The following WDR64 variants were observed in gnomAD, a reference collection of about 807,000 sequenced individuals.
WDR64 encodes the protein WD repeat-containing protein 64.
WDR64 carries 112 observed loss-of-function variants against 139.3 expected under a neutral mutation model. The observed-to-expected ratio is 0.80, with a 90% CI of 0.69 to 0.94. The LOEUF is 0.94. WDR64 is among the 40% of genes least tolerant of loss of function. WDR64 has a pLI of 0.00. For synonymous variants in WDR64, 444 were observed against 437.7 expected (o/e 1.01, Z -0.18); for missense variants, 1,206 against 1,293.1 (o/e 0.93, Z 1.03).
chr1:241,714,403 G>A (rs746773075), intron 9 of WDR64, among the ~76,000 whole-genome samples: 8 of 152,152 alleles, frequency 5.3e-5, no homozygotes, highest in Non-Finnish European at 8.8e-5. Context: ...TGTTTAATGA[G>A]TAAGTGCTAT....
chr1:241,687,304 T>TA (rs11433746), intron 7 of WDR64, among the ~76,000 whole-genome samples, 157 bp from the exon 8 acceptor site: 40,867 of 126,228 alleles, frequency 0.32, 6,242 homozygotes, highest in Non-Finnish European at 0.36. Flanking sequence ...AGACTCCATC[T>TA]AAAAAAAAAA....
intron 8 of WDR64, among the ~76,000 whole-genome samples, chr1:241,705,410 C>G (rs1031309672): frequency 6.6e-6 from 1 of 151,392 alleles, no homozygotes; most frequent in Non-Finnish European, 1.5e-5. Context: ...GGCATGGTGG[C>G]GGGCGCCTGT....
At chr1:241,747,771 ACACAGGAAGGAAAGACTT>A (rs1669818426) in intron 13 of WDR64, among the ~76,000 whole-genome samples, 1 of 152,132 alleles carries the variant, frequency 6.6e-6, no homozygotes, top group East Asian at 1.9e-4. Flanking sequence ...CGAAGGAAAG[ACACAGGAAGGAAAGACTT>A]CCTGGGAAAG....
chr1:241,799,191 C>CAG (rs1659449950), intron 27 of WDR64, among the ~76,000 whole-genome samples: 1 of 67,908 alleles, frequency 1.5e-5, no homozygotes, highest in Non-Finnish European at 2.5e-5. Flanking sequence ...CACAGTGAGA[C>CAG]TTTGTCTCTC....
chr1:241,655,325 G>A (rs1046710218), intron 1 of WDR64, among the ~76,000 whole-genome samples: 1 of 152,088 alleles, frequency 6.6e-6, no homozygotes, highest in African/African-American at 2.4e-5. Flanking sequence ...GGAGGCAGAG[G>A]TTGCAGTGAG....
chr1:241,768,232 C>T (rs544060652), intron 16 of WDR64, among the ~76,000 whole-genome samples: 42 of 152,284 alleles, frequency 2.8e-4, no homozygotes, highest in Non-Finnish European at 4.6e-4. Flanking sequence ...TACACAGTGT[C>T]CCTTTCCTAT....
Position 241,687,584 on chromosome 1 carries a change from C to T in WDR64, c.963C>T (p.Leu321=), listed in dbSNP as rs1293424145. ...HSLVLESLKR[L]EDNLPVREFS... Reference sequence around the variant, plus strand: ...TAGTTTTGGAATCCTTGAAGAGACTCGAGGATAATTTGTAAGTATAGTAAT... The same window carrying T: ...TAGTTTTGGAATCCTTGAAGAGACTTGAGGATAATTTGTAAGTATAGTAAT... The change falls in exon 8 of 28, where the codon CTC becomes CTT. Residue 321 remains leucine (L), a synonymous_variant. Coordinates refer to ENST00000437684, the MANE Select transcript of WDR64 (RefSeq NM_001367482.1). The T allele has an allele frequency of 1.2e-5, 20 of 1,612,534 alleles. No homozygotes were observed. Among genetic ancestry groups the T allele is most frequent in the East Asian group, 6.7e-5 (3 of 44,808 alleles).
intron 8 of WDR64, among the ~76,000 whole-genome samples, chr1:241,702,534 A>C (rs1241886123): frequency 6.7e-6 from 1 of 150,250 alleles, no homozygotes; most frequent in Non-Finnish European, 1.5e-5. Flanking sequence ...AAAAAAAAAA[A>C]GAAAGAACTT....
At chr1:241,680,937 A>G (rs1167220167) in intron 6 of WDR64, among the ~76,000 whole-genome samples, 1 of 152,084 alleles carries the variant, frequency 6.6e-6, no homozygotes, top group Non-Finnish European at 1.5e-5. Flanking sequence ...CTACTATCAG[A>G]CTTGTCCTCT....
At chr1:241,716,498 T>C (rs1668409070) in intron 9 of WDR64, among the ~76,000 whole-genome samples, 1 of 152,246 alleles carries the variant, frequency 6.6e-6, no homozygotes, top group South Asian at 2.1e-4. Flanking sequence ...ATTTTTTTCA[T>C]GTTTTGTTCA....
At chr1:241,771,764 C>CA in intron 19 of WDR64, 67 bp downstream of exon 19, 1 of 1,064,994 alleles carries the variant, frequency 9.4e-7, no homozygotes, top group Non-Finnish European at 1.3e-6. Flanking sequence ...ATTTAGGTGA[C>CA]AGAGTATTCT....
intron 14 of WDR64, among the ~76,000 whole-genome samples, chr1:241,750,941 T>A (rs1296816902): frequency 1.3e-5 from 2 of 152,198 alleles, no homozygotes; most frequent in Non-Finnish European, 2.9e-5. Context: ...AGCGGGCAGC[T>A]TTATAATATA....
chr1:241,718,159 T>C (rs1668471890), intron 9 of WDR64, among the ~76,000 whole-genome samples: 1 of 152,180 alleles, frequency 6.6e-6, no homozygotes, highest in African/African-American at 2.4e-5. Context: ...TTAGCAAACA[T>C]GTATTAAGCA....
chr1:241,791,456 CA>C lies in WDR64; in HGVS notation c.2997+761del, dbSNP rs1659212695. Among the ~76,000 whole-genome samples, 10 of 152,224 alleles carry C rather than the reference CA, an allele frequency of 6.6e-5. No individual in the cohort carries two copies. The South Asian group carries it at 1.7e-3, about 25-fold the overall frequency. On this transcript the variant is annotated intron_variant, in intron 25 of 27. Transcript: ENST00000437684. Reference sequence around the variant, plus strand: ...TCAAGGTGGAAAGATCCCTAGAGTCCAGGAGTTCAAGACCAGTCTAGGCAAC... The same window carrying C: ...TCAAGGTGGAAAGATCCCTAGAGTCCGGAGTTCAAGACCAGTCTAGGCAAC...
chr1:241,712,438 A>C (rs748891999), intron 9 of WDR64, among the ~76,000 whole-genome samples: 1 of 152,194 alleles, frequency 6.6e-6, no homozygotes, highest in Non-Finnish European at 1.5e-5. Context: ...AAGGTAACAC[A>C]ATAAGTTTTG....
intron 2 of WDR64, 136 bp from the exon 3 acceptor site, chr1:241,670,938 A>G: frequency 1.7e-6 from 1 of 588,106 alleles, no homozygotes; most frequent in Non-Finnish European, 2.9e-6. Context: ...TGGTATAGGG[A>G]ACCCCCTGAC....
At chr1:241,731,603 T>C (rs529674621) in intron 10 of WDR64, among the ~76,000 whole-genome samples, 1 of 152,182 alleles carries the variant, frequency 6.6e-6, no homozygotes, top group Non-Finnish European at 1.5e-5. Context: ...CCAACAATTA[T>C]TACCTAAGGA....
chr1:241,661,656 T>G (rs1665837683), intron 2 of WDR64, among the ~76,000 whole-genome samples: 1 of 152,072 alleles, frequency 6.6e-6, no homozygotes, highest in East Asian at 1.9e-4. Flanking sequence ...CTAAATAAAA[T>G]GTTAACAAGT....
rs550625679 is a variant in WDR64 at position 241,693,270 on chromosome 1, G to T, written c.974+5675G>T. Among the ~76,000 whole-genome samples the T allele has an allele frequency of 4.6e-5, 7 of 152,190 alleles. No individual in the cohort carries two copies. The South Asian group carries it at 1.2e-3, about 27-fold the overall frequency. On this transcript the variant is annotated intron_variant, in intron 8 of 27. Coordinates refer to ENST00000437684, the MANE Select transcript of WDR64 (RefSeq NM_001367482.1). Reference sequence around the variant, plus strand: ...TATCAAGCCATAAAAAGACATGGAGGACCCTTAAATGCATATTACTAAGTT... The same window carrying T: ...TATCAAGCCATAAAAAGACATGGAGTACCCTTAAATGCATATTACTAAGTT...
Sources: gnomAD v4.1 joint callset for allele counts (sites outside exome capture counted in the v4.1 genomes callset) on GRCh38, gnomAD v4.1.1 for gene constraint, MANE v1.5 for transcripts, NCBI Gene and HGNC (gene_info 2026-07-23, HGNC 2026-07-21) for gene names.